RORA: variants seen among roughly 807,000 people sequenced by gnomAD.
RORA encodes the protein RAR related orphan receptor A, also known as nuclear receptor ROR-alpha.
Under a neutral mutation model 69.5 loss-of-function variants are expected in RORA, and 7 were observed. The observed-to-expected ratio is 0.10, with a 90% CI of 0.06 to 0.19. The LOEUF (loss-of-function observed/expected upper bound fraction) is 0.19. Among genes scored for constraint, RORA ranks in the 10% least tolerant of loss-of-function variants. The pLI is 1.00. For missense variants in RORA, 457 were observed against 663.0 expected (o/e 0.69, Z 3.41); for synonymous variants, 261 against 240.8 (o/e 1.08, Z -0.78).
chr15:61,032,725 G>C (rs796712), intron 1 of RORA, among the ~76,000 whole-genome samples: 9,899 of 152,192 alleles, frequency 0.065, 378 homozygotes, highest in East Asian at 0.15. Context: ...CCTGGCTTCA[G>C]CAAGAATTAT....
At chr15:60,608,068 C>T (rs544361097) in intron 2 of RORA, among the ~76,000 whole-genome samples, 3 of 152,340 alleles carry the variant, frequency 2.0e-5, no homozygotes, top group African/African-American at 7.2e-5. Context: ...ATGGAAACTG[C>T]TGCCTCTCCA....
chr15:60,536,466 A>G (rs2066682601), intron 2 of RORA, among the ~76,000 whole-genome samples: 1 of 152,258 alleles, frequency 6.6e-6, no homozygotes, highest in East Asian at 1.9e-4. Flanking sequence ...CAGCTACCAC[A>G]GCAATCCTTC....
At chr15:60,786,744 C>CT (rs1227964781) in intron 1 of RORA, among the ~76,000 whole-genome samples, 2 of 152,242 alleles carry the variant, frequency 1.3e-5, no homozygotes, top group Non-Finnish European at 2.9e-5. Context: ...TCCTTGGGCC[C>CT]TGTCTTGCCT....
At position 60,941,313 on chromosome 15, in the gene RORA, G is replaced by T. The variant is rs1030775329; in HGVS notation, c.167-262627C>A. On this transcript the variant is annotated intron_variant, in intron 1 of 10. Transcript: ENST00000335670. ...TGTCCTTGAAGTGGAAGGGTTGGATGAAATGGTTGTTAAAGCTTCAAAATG... is the reference window on the plus strand; with the variant it reads ...TGTCCTTGAAGTGGAAGGGTTGGATTAAATGGTTGTTAAAGCTTCAAAATG... Among the ~76,000 whole-genome samples, 13 of 152,334 alleles carry T rather than the reference G, an allele frequency of 8.5e-5. No individual in the cohort carries two copies. In the East Asian group the frequency reaches 2.1e-3, roughly 25 times the overall value.
chr15:60,851,668 A>G (rs2073325688), intron 1 of RORA, among the ~76,000 whole-genome samples: 1 of 152,012 alleles, frequency 6.6e-6, no homozygotes, highest in Non-Finnish European at 1.5e-5. Context: ...GTCCTTTCTT[A>G]AAGACAATTC....
chr15:60,809,972 G>T (rs1225061866), intron 1 of RORA, among the ~76,000 whole-genome samples: 1 of 152,188 alleles, frequency 6.6e-6, no homozygotes, highest in Admixed American at 6.6e-5. Context: ...CTCCAGTCTA[G>T]ATTGTTTTGT....
intron 1 of RORA, among the ~76,000 whole-genome samples, chr15:60,869,491 T>G (rs539602426): frequency 6.6e-6 from 1 of 152,178 alleles, no homozygotes; most frequent in Non-Finnish European, 1.5e-5. Flanking sequence ...CAGCCAACAC[T>G]TTGGTTAGAA....
chr15:60,909,953 A>C (rs1452496377), intron 1 of RORA, among the ~76,000 whole-genome samples: 1 of 152,214 alleles, frequency 6.6e-6, no homozygotes, highest in Non-Finnish European at 1.5e-5. Flanking sequence ...AAATCTACTC[A>C]TCAAGTAAGC....
At chr15:61,161,274 A>C (rs2079493759) in intron 1 of RORA, among the ~76,000 whole-genome samples, 1 of 152,178 alleles carries the variant, frequency 6.6e-6, no homozygotes, top group African/African-American at 2.4e-5. Context: ...GCTTTACAGT[A>C]ATATAGGGCA....
intron 1 of RORA, among the ~76,000 whole-genome samples, chr15:60,733,292 T>A (rs1038848872): frequency 6.6e-6 from 1 of 152,160 alleles, no homozygotes; most frequent in Non-Finnish European, 1.5e-5. Flanking sequence ...AGGCCAAAAA[T>A]GAGGCACAAT....
chr15:61,170,526 C>T (rs1157832217), intron 1 of RORA, among the ~76,000 whole-genome samples: 1 of 152,188 alleles, frequency 6.6e-6, no homozygotes, highest in East Asian at 1.9e-4. Flanking sequence ...CTAACTGAAT[C>T]GCATGTGCAA....
chr15:60,685,486 C>T (rs530212356), intron 1 of RORA, among the ~76,000 whole-genome samples: 201 of 152,250 alleles, frequency 1.3e-3, no homozygotes, highest in Admixed American at 4.1e-3. Context: ...CTCCTCAATC[C>T]TGAGTTGTCC....
chr15:60,697,412 C>A (rs1408641677), intron 1 of RORA, among the ~76,000 whole-genome samples: 1 of 152,170 alleles, frequency 6.6e-6, no homozygotes, highest in South Asian at 2.1e-4. Flanking sequence ...TCCCTTCTTC[C>A]ATCTTCCAAG....
At chr15:61,020,493 T>C (rs1455738632) in intron 1 of RORA, among the ~76,000 whole-genome samples, 1 of 152,204 alleles carries the variant, frequency 6.6e-6, no homozygotes, top group Non-Finnish European at 1.5e-5. Context: ...ATCTCTAAAA[T>C]GTGAATGAGG....
intron 2 of RORA, among the ~76,000 whole-genome samples, chr15:60,677,580 C>CT (rs71122869): frequency 0.23 from 31,425 of 139,380 alleles, 3,577 homozygotes; most frequent in African/African-American, 0.29. Flanking sequence ...TTGGTTTTTT[C>CT]TTTTTTTTTT....
rs188037917 is a variant in RORA, at chr15:60,972,645, C to T, written c.166+256408G>A. 2.6e-5 allele frequency among the ~76,000 whole-genome samples: 4 copies of T among 152,276 alleles called. No individual in the cohort carries two copies. The East Asian group carries it at 7.7e-4, about 29-fold the overall frequency. On this transcript the variant is annotated intron_variant, in intron 1 of 10. Coordinates refer to ENST00000335670, the MANE Select transcript of RORA (RefSeq NM_134261.3). ...AAAAAAATGCCTCGTGGTGTTTAGT[C>T]TGGATTTAAATGCTGCTCCAATGCT...
chr15:61,179,128 C>A (rs142357648), intron 1 of RORA, among the ~76,000 whole-genome samples: 8 of 152,326 alleles, frequency 5.3e-5, no homozygotes, highest in African/African-American at 1.2e-4. Flanking sequence ...TTTCAAGGCA[C>A]CTCCAGGATT....
At chr15:61,133,110 AT>A (rs1172410462) in intron 1 of RORA, among the ~76,000 whole-genome samples, 1 of 152,200 alleles carries the variant, frequency 6.6e-6, no homozygotes, top group Non-Finnish European at 1.5e-5. Context: ...TAGAAAAGGT[AT>A]AAAGGGAAAC....
Position 61,229,082 on chromosome 15 carries a change from C to T in RORA, c.137G>A (p.Arg46His). Reference protein sequence around the residue: ...ARKSEPPAPVRRQSYSSTSRG... With the variant: ...ARKSEPPAPVHRQSYSSTSRG... ...GCTGGTGCTGGAATAGCTCTGTCTG[C>T]GCACCGGGGCAGGCGGCTCGCTCTT... is the stretch of plus-strand genomic sequence containing the variant. Residue 46 changes from arginine (R) to histidine (H), a missense_variant, in exon 1 of 11, where the codon CGC (arginine) becomes CAC (histidine). By Grantham distance (29) the Arg-to-His change is conservative. Coordinates refer to ENST00000335670, the MANE Select transcript of RORA (RefSeq NM_134261.3). 1 of 1,536,870 alleles carries T rather than the reference C, an allele frequency of 6.5e-7. No homozygotes were observed. Among genetic ancestry groups the T allele is most frequent in the Non-Finnish European group, 8.8e-7 (1 of 1,141,980 alleles).
Sources: gnomAD v4.1 joint callset for allele counts (sites outside exome capture counted in the v4.1 genomes callset) on GRCh38, gnomAD v4.1.1 for gene constraint, MANE v1.5 for transcripts, NCBI Gene and HGNC (gene_info 2026-07-23, HGNC 2026-07-21) for gene names.